The following PLXND1 variants were observed in gnomAD, a reference collection of about 807,000 sequenced individuals.
The protein encoded by PLXND1 is plexin D1, also known as plexin-D1.
A neutral mutation model predicts 197.7 loss-of-function variants in PLXND1; 54 were observed. That is an observed-to-expected ratio of 0.27 (90% CI 0.22 to 0.34). The LOEUF (loss-of-function observed/expected upper bound fraction) is 0.34, where lower values mean the gene tolerates loss of function less well. PLXND1 is among the 10% of genes least tolerant of loss of function. PLXND1 has a pLI of 1.00. For missense variants in PLXND1, 2,127 were observed against 2,699.2 expected (o/e 0.79, Z 4.70); for synonymous variants, 1,180 against 1,161.2 (o/e 1.02, Z -0.33).
At chr3:129,573,424 C>T (rs116823527) in intron 13 of PLXND1, among the ~76,000 whole-genome samples, 170 bp downstream of exon 13, 1,553 of 151,540 alleles carry the variant, frequency 0.01, 25 homozygotes, top group African/African-American at 0.036. Context: ...CAAGCAGAAA[C>T]GGCAGGATGT....
At chr3:129,578,873 G>A (rs901272915) in intron 8 of PLXND1, among the ~76,000 whole-genome samples, 5 of 152,206 alleles carry the variant, frequency 3.3e-5, no homozygotes, top group Non-Finnish European at 7.3e-5. Flanking sequence ...CGTGTTAAGC[G>A]ATTCAGAAAA....
At chr3:129,582,847 C>T (rs1578339376) in intron 8 of PLXND1, among the ~76,000 whole-genome samples, 1 of 152,226 alleles carries the variant, frequency 6.6e-6, no homozygotes, top group Admixed American at 6.5e-5. Flanking sequence ...TAAACCCAAC[C>T]ACCATGCAGT....
chr3:129,570,234 A>T (rs2085204466), intron 19 of PLXND1, among the ~76,000 whole-genome samples: 1 of 152,168 alleles, frequency 6.6e-6, no homozygotes, highest in African/African-American at 2.4e-5. Context: ...AGTGAGCAAG[A>T]GGAAGCAGTT....
chr3:129,566,490 G>T, intron 23 of PLXND1, 37 bp downstream of exon 23: 1 of 1,287,254 alleles, frequency 7.8e-7, no homozygotes, highest in Non-Finnish European at 1.1e-6. Flanking sequence ...GGGTTGCCCT[G>T]AAGCAGCCCA....
intron 1 of PLXND1, 45 bp downstream of exon 1, chr3:129,605,269 GCCCCCGCCCCCGCCC>G: frequency 4.2e-6 from 1 of 240,360 alleles, no homozygotes; most frequent in Admixed American, 7.2e-5. Context: ...GTTCCCGCCC[GCCCCCGCCCCCGCCC>G]CCGCCGCCGC....
At chr3:129,562,370 TGTG>T (rs150901079) in intron 27 of PLXND1, 7,313 of 231,544 alleles carry the variant, frequency 0.032, 545 homozygotes, top group East Asian at 0.22. Context: ...ATTAGCTGGA[TGTG>T]GTGGTGCACT....
chr3:129,561,011 G>C, intron 29 of PLXND1: 2 of 562,866 alleles, frequency 3.6e-6, no homozygotes, highest in South Asian at 1.5e-5. Context: ...GACAGAGTGA[G>C]GCAGAGAGAG....
In PLXND1 at chr3:129,562,830, A is replaced by G. The variant is rs1319135752; in HGVS notation, c.4782T>C (p.Asn1594=). The G allele has an allele frequency of 1.9e-6, 3 of 1,611,436 alleles. No individual in the cohort carries two copies. The highest frequency in any genetic ancestry group is 2.2e-5 in the South Asian group (2 of 91,018). ...KEKILEAFCK[N]VPYSQWPRAE... The stretch of plus-strand genomic sequence containing the variant: ...CACGCGGCCACTGGGAGTAGGGCAC[A>G]TTCTTGCAGAAGGCCTCCAGGATCT... Residue 1594 remains asparagine, a synonymous_variant, in exon 27 of 36, where the codon AAT becomes AAC. Transcript: ENST00000324093.
chr3:129,566,304 A>G, intron 23 of PLXND1: 1 of 601,568 alleles, frequency 1.7e-6, no homozygotes, highest in Non-Finnish European at 3.0e-6. Flanking sequence ...AGGGGGGCCC[A>G]ATCCTCTGTC....
At chr3:129,566,120 G>T in intron 23 of PLXND1, 103 bp from the exon 24 acceptor site, 1 of 1,241,888 alleles carries the variant, frequency 8.1e-7, no homozygotes, top group East Asian at 2.4e-5. Flanking sequence ...CCTGGGATGG[G>T]GAGCTCATTA....
At chr3:129,563,567 G>A (rs1372592673) in intron 25 of PLXND1, among the ~76,000 whole-genome samples, 4 of 152,250 alleles carry the variant, frequency 2.6e-5, no homozygotes, top group Admixed American at 6.5e-5. Flanking sequence ...AAGCGGCAGG[G>A]CAGGAATCGG....
In PLXND1 at chr3:129,570,941, G is replaced by A; in HGVS notation, c.3601-6C>T. ...CCCAGGCTGTCCTGCTCCTTCTGTG[G>A]GTGCAAAGGGGGAGGATGCTCATGG... On this transcript the variant is annotated splice_region_variant and splice_polypyrimidine_tract_variant and intron_variant, in intron 18 of 35. Coordinates refer to ENST00000324093, the MANE Select transcript of PLXND1 (RefSeq NM_015103.3). 6.2e-7 allele frequency: 1 copy of A among 1,614,214 alleles called. No individual in the cohort carries two copies. The highest frequency in any genetic ancestry group is 8.5e-7 in the Non-Finnish European group (1 of 1,180,024).
chr3:129,578,942 C>T (rs888694820), intron 8 of PLXND1, among the ~76,000 whole-genome samples: 2 of 152,164 alleles, frequency 1.3e-5, no homozygotes, highest in Admixed American at 1.3e-4. Context: ...CTCTGAATAC[C>T]AGGAGGACAT....
At chr3:129,556,537 G>A in intron 35 of PLXND1, 80 bp downstream of exon 35, 4 of 1,338,816 alleles carry the variant, frequency 3.0e-6, no homozygotes, top group Non-Finnish European at 3.2e-6. Flanking sequence ...GTCCATTAGG[G>A]GCAAGCACCC....
chr3:129,605,537 A>G lies in PLXND1; in HGVS notation c.1103T>C (p.Leu368Pro). The G allele has an allele frequency of 3.3e-6, 5 of 1,525,300 alleles. No individual in the cohort carries two copies. Among genetic ancestry groups the G allele is most frequent in the Non-Finnish European group, 4.4e-6 (5 of 1,141,576 alleles). 94.5% of individuals were successfully genotyped at this position (1,525,300 alleles called of 1,614,324 possible). The change falls in exon 1 of 36, where the codon CTC becomes CCC. Residue 368 changes from leucine to proline, a missense_variant. Around this residue, in one of 6 missense-constraint regions of PLXND1, gnomAD observed 1,095 missense variants for 1,259.8 expected, o/e 0.87. Transcript: ENST00000324093. ...CTGGGGCCGCTCGAAGACAGCAAAG[A>G]GCCGCTCCCGGGCTGGGAAGACCGA... is the stretch of plus-strand genomic sequence containing the variant. Reference protein sequence around the residue: ...LVSVFPARERLFAVFERPQGS... With the variant: ...LVSVFPARERPFAVFERPQGS...
intron 22 of PLXND1, among the ~76,000 whole-genome samples, chr3:129,566,871 G>C (rs2085149037): frequency 6.6e-6 from 1 of 152,250 alleles, no homozygotes; most frequent in Non-Finnish European, 1.5e-5. Context: ...ATGTGCAATG[G>C]GGGAAACTGA....
intron 22 of PLXND1, 34 bp downstream of exon 22, chr3:129,567,458 C>T: frequency 3.0e-6 from 4 of 1,312,698 alleles, no homozygotes; most frequent in Non-Finnish European, 4.3e-6. Context: ...AGGTGGCTGG[C>T]ACAGGTTCAG....
At chr3:129,594,011 T>C (rs185026234) in intron 1 of PLXND1, among the ~76,000 whole-genome samples, 10 of 152,212 alleles carry the variant, frequency 6.6e-5, no homozygotes, top group Admixed American at 5.9e-4. Flanking sequence ...AGGAAGCCAG[T>C]TGGAAGGAGC....
In PLXND1 at chr3:129,577,955, C is replaced by CGGTG. The variant is rs2085336843; in HGVS notation, c.2346+370_2346+373dup. Among the ~76,000 whole-genome samples the CGGTG allele has an allele frequency of 6.6e-6, 1 of 152,186 alleles. No individual in the cohort carries two copies. Among genetic ancestry groups the CGGTG allele is most frequent in the Non-Finnish European group, 1.5e-5 (1 of 68,028 alleles). ...GCCACCCACGGGGCAGTGGGCTCGG[C>CGGTG]GGTGGGTGGGTGTGTCCAGGGTCAC... On this transcript the variant is annotated intron_variant, in intron 9 of 35. Transcript: ENST00000324093. The surrounding 1 kb of genome is among the most constrained non-coding windows in gnomAD (Gnocchi z 5.0).
Sources: gnomAD v4.1 joint callset for allele counts (sites outside exome capture counted in the v4.1 genomes callset) on GRCh38, gnomAD v4.1.1 for gene constraint, gnomAD v4.1.1 regional missense constraint, Gnocchi (gnomAD v3.1) non-coding constraint, MANE v1.5 for transcripts, NCBI Gene and HGNC (gene_info 2026-07-23, HGNC 2026-07-21) for gene names.